Variants in SEMA5A observed in about 807,000 individuals in gnomAD.
The protein encoded by SEMA5A is semaphorin-5A.
SEMA5A carries 55 observed loss-of-function variants against 135.5 expected under a neutral mutation model. That is an observed-to-expected ratio of 0.41 (90% CI 0.33 to 0.51). The LOEUF is 0.51. Among genes scored for constraint, SEMA5A ranks in the 20% least tolerant of loss-of-function variants. SEMA5A has a pLI of 0.37. For missense variants in SEMA5A, 1,290 were observed against 1,419.9 expected (o/e 0.91, Z 1.47); for synonymous variants, 580 against 546.5 (o/e 1.06, Z -0.85).
At chr5:9,309,406 A>G (rs1475662007) in intron 5 of SEMA5A, among the ~76,000 whole-genome samples, 1 of 152,132 alleles carries the variant, frequency 6.6e-6, no homozygotes, top group East Asian at 1.9e-4. Flanking sequence ...CTGAATGCAT[A>G]CAAACCACAT....
At chr5:9,382,229 G>A (rs1203263269) in intron 2 of SEMA5A, among the ~76,000 whole-genome samples, 1 of 152,174 alleles carries the variant, frequency 6.6e-6, no homozygotes, top group Non-Finnish European at 1.5e-5. Flanking sequence ...TAGTCCAGAA[G>A]CTCAAGTCTG....
chr5:9,293,996 G>T (rs1461958708), intron 5 of SEMA5A, among the ~76,000 whole-genome samples: 1 of 152,124 alleles, frequency 6.6e-6, no homozygotes, highest in Non-Finnish European at 1.5e-5. Flanking sequence ...TCACAGGGTA[G>T]TCCCTCTGCC....
At chr5:9,325,520 T>C (rs1752831543) in intron 4 of SEMA5A, among the ~76,000 whole-genome samples, 3 of 152,078 alleles carry the variant, frequency 2.0e-5, no homozygotes, top group African/African-American at 7.2e-5. Flanking sequence ...CTGGGTCCCA[T>C]CACTTCCCCC....
chr5:9,289,218 AAAT>A (rs1244872319), intron 5 of SEMA5A, among the ~76,000 whole-genome samples: 7 of 152,370 alleles, frequency 4.6e-5, no homozygotes, highest in Non-Finnish European at 7.3e-5. Flanking sequence ...ACACATCTGA[AAAT>A]AATGACATCA....
At chr5:9,419,146 T>C (rs1183508656) in intron 2 of SEMA5A, among the ~76,000 whole-genome samples, 1 of 152,024 alleles carries the variant, frequency 6.6e-6, no homozygotes, top group African/African-American at 2.4e-5. Flanking sequence ...TATTCAGGAG[T>C]AAGTTGTTCA....
chr5:9,179,843 T>C (rs992476120), intron 11 of SEMA5A, among the ~76,000 whole-genome samples: 1 of 152,182 alleles, frequency 6.6e-6, no homozygotes, highest in Non-Finnish European at 1.5e-5. Context: ...TCTACCCAGG[T>C]ATATTAGTAA....
intron 3 of SEMA5A, among the ~76,000 whole-genome samples, chr5:9,340,409 C>T (rs190062559): frequency 2.0e-5 from 3 of 152,088 alleles, no homozygotes; most frequent in Admixed American, 6.6e-5. Context: ...AAAAAGACTA[C>T]GAAAGATAGA....
chr5:9,162,562 G>GTATA lies in SEMA5A; in HGVS notation c.1274-7868_1274-7867insTATA, dbSNP rs1267036137. 4.5e-3 allele frequency among the ~76,000 whole-genome samples: 285 copies of GTATA among 63,214 alleles called. 8 individuals carry two copies. Among genetic ancestry groups the GTATA allele is most frequent in the East Asian group, 9.8e-3 (22 of 2,246 alleles). The allele number at this position is 63,214 out of a possible 152,430, so 41.5% of individuals were successfully genotyped here. A position where few individuals can be genotyped will look rare whatever the true frequency, so the allele number is the denominator to read the frequency against. ...TATGTGTGTATATATGTGTGTGTGT[G>GTATA]TGTATATATATATATATATATATAC... On this transcript the variant is annotated intron_variant, in intron 11 of 22. Transcript: ENST00000382496.
At chr5:9,187,616 G>T (rs1418443511) in intron 11 of SEMA5A, among the ~76,000 whole-genome samples, 7 of 152,114 alleles carry the variant, frequency 4.6e-5, no homozygotes, top group Non-Finnish European at 1.0e-4. Context: ...TCTACATATG[G>T]CATCTTTACC....
chr5:9,224,874 G>A lies in SEMA5A; in HGVS notation c.446C>T (p.Thr149Ile). The change falls in exon 8 of 23, where the codon ACT (threonine) becomes ATT (isoleucine). Residue 149 changes from threonine (T) to isoleucine (I), a missense_variant. This residue lies in a region of SEMA5A where 145 missense variants were observed against 212.0 expected (regional missense o/e 0.68). Coordinates refer to ENST00000382496, the MANE Select transcript of SEMA5A (RefSeq NM_003966.3). Reference protein sequence around the residue: ...VCTNRSLSNLTEIHDQISGMA... With the variant: ...VCTNRSLSNLIEIHDQISGMA... ...GCCACTGATCTGATCATGGATCTCA[G>A]TCAGGTTGCTCAACTGTGGGGGAGG... 1.2e-6 allele frequency: 2 copies of A among 1,612,674 alleles called. No homozygotes were observed. Among genetic ancestry groups the A allele is most frequent in the Non-Finnish European group, 1.7e-6 (2 of 1,179,314 alleles).
rs144790643 is a variant in SEMA5A at position 9,155,073 on chromosome 5, G to A, written c.1274-378C>T. 2.3e-4 allele frequency among the ~76,000 whole-genome samples: 35 copies of A among 152,300 alleles called. No individual in the cohort carries two copies. The East Asian group carries it at 6.8e-3, about 29-fold the overall frequency. Reference sequence around the variant, plus strand: ...ACGATCTTGGATTCTTAGTGACAGAGATGCTGATTTTGGTGCCCAGCAGGG... The same window carrying A: ...ACGATCTTGGATTCTTAGTGACAGAAATGCTGATTTTGGTGCCCAGCAGGG... On this transcript the variant is annotated intron_variant, in intron 11 of 22. Transcript: ENST00000382496.
chr5:9,328,855 C>T (rs1295207831), intron 4 of SEMA5A, among the ~76,000 whole-genome samples: 2 of 151,844 alleles, frequency 1.3e-5, no homozygotes, highest in African/African-American at 4.8e-5. Context: ...TGGACATCTA[C>T]ACTCTTGAAA....
intron 5 of SEMA5A, among the ~76,000 whole-genome samples, chr5:9,310,038 T>TA (rs1013063283): frequency 7.8e-5 from 10 of 128,144 alleles, no homozygotes; most frequent in African/African-American, 1.4e-4. Flanking sequence ...ATTGATAAAC[T>TA]AAAAAAAAAT....
At chr5:9,357,282 T>C (rs1754491600) in intron 3 of SEMA5A, among the ~76,000 whole-genome samples, 1 of 152,202 alleles carries the variant, frequency 6.6e-6, no homozygotes, top group South Asian at 2.1e-4. Flanking sequence ...TTGGACTGTG[T>C]CCACCAAAGG....
intron 7 of SEMA5A, among the ~76,000 whole-genome samples, chr5:9,225,871 G>T (rs537852214): frequency 3.3e-5 from 5 of 152,224 alleles, no homozygotes; most frequent in African/African-American, 1.2e-4. Context: ...CGCCTGAGAG[G>T]TATTGGAGCA....
chr5:9,316,655 T>C (rs1264819255), intron 5 of SEMA5A, among the ~76,000 whole-genome samples: 1 of 152,194 alleles, frequency 6.6e-6, no homozygotes, highest in Non-Finnish European at 1.5e-5. Flanking sequence ...TTGATCATTC[T>C]TTTTTTAATT....
intron 1 of SEMA5A, among the ~76,000 whole-genome samples, chr5:9,491,515 G>A (rs1735002916): frequency 1.3e-5 from 2 of 151,476 alleles, no homozygotes; most frequent in Admixed American, 1.3e-4. Flanking sequence ...TACACAACCT[G>A]AAGACTTGAA....
At chr5:9,213,893 G>A (rs572390672) in intron 8 of SEMA5A, among the ~76,000 whole-genome samples, 1 of 152,244 alleles carries the variant, frequency 6.6e-6, no homozygotes, top group South Asian at 2.1e-4. Context: ...GAGGGCCATG[G>A]CAGCACTCTG....
intron 2 of SEMA5A, among the ~76,000 whole-genome samples, chr5:9,417,269 T>A (rs1377019050): frequency 6.6e-6 from 1 of 152,252 alleles, no homozygotes; most frequent in East Asian, 1.9e-4. Context: ...CCAAAGGATT[T>A]TTTTAGTATT....
Sources: gnomAD v4.1 joint callset for allele counts (sites outside exome capture counted in the v4.1 genomes callset) on GRCh38, gnomAD v4.1.1 for gene constraint, gnomAD v4.1.1 regional missense constraint, MANE v1.5 for transcripts, NCBI Gene and HGNC (gene_info 2026-07-23, HGNC 2026-07-21) for gene names.